The following LIPK variants were observed in gnomAD, a reference collection of about 807,000 sequenced individuals.
LIPK encodes lipase member K.
Under a neutral mutation model 48.6 loss-of-function variants are expected in LIPK, and 32 were observed. That is an observed-to-expected ratio of 0.66 (90% confidence interval 0.50 to 0.88). The LOEUF (loss-of-function observed/expected upper bound fraction) is 0.88. Ranked by LOEUF, LIPK falls within the 40% of genes least tolerant of loss-of-function variation. LIPK has a pLI of 0.00. For missense variants in LIPK, 507 were observed against 478.5 expected (o/e 1.06, Z -0.56); for synonymous variants, 164 against 157.4 (o/e 1.04, Z -0.32).
intron 1 of LIPK, among the ~76,000 whole-genome samples, chr10:88,710,805 T>A (rs1842014134): frequency 6.6e-6 from 1 of 152,232 alleles, no homozygotes; most frequent in Non-Finnish European, 1.5e-5. Flanking sequence ...AACCAATATT[T>A]TCTTTTATTT....
In LIPK at chr10:88,731,021, G is replaced by C; in HGVS notation, c.262G>C (p.Ala88Pro). 6.3e-7 allele frequency: 1 copy of C among 1,595,186 alleles called. No homozygotes were observed. The highest frequency in any genetic ancestry group is 8.5e-7 in the Non-Finnish European group (1 of 1,170,108). The change falls in exon 4 of 10, where the codon GCA becomes CCA. Residue 88 changes from alanine to proline, a missense_variant. By Grantham distance (27) the Ala-to-Pro change is conservative. Coordinates refer to ENST00000404190, the MANE Select transcript of LIPK (RefSeq NM_001080518.2). ...TGTGTATTTGCAGCATGGCTTAATT[G>C]CATCTGCCAGTAACTGGATTTGCAA... ...PAVYLQHGLIASASNWICNLP... is the reference protein window; with the variant it reads ...PAVYLQHGLIPSASNWICNLP...
intron 1 of LIPK, among the ~76,000 whole-genome samples, chr10:88,719,809 T>G (rs1653845): frequency 0.78 from 119,197 of 152,040 alleles, 47,692 homozygotes; most frequent in East Asian, 1. Flanking sequence ...TTCCTATTAT[T>G]GGGCAATGAG....
intron 6 of LIPK, among the ~76,000 whole-genome samples, chr10:88,734,520 G>A (rs1001747222): frequency 3.3e-5 from 5 of 152,258 alleles, no homozygotes; most frequent in Non-Finnish European, 5.9e-5. Context: ...TAAGTAATTG[G>A]GGAGCATGGA....
chr10:88,724,533 G>T lies in LIPK; in HGVS notation c.-11G>T. 1 of 1,565,598 alleles carries T rather than the reference G, an allele frequency of 6.4e-7. No individual in the cohort carries two copies. Among genetic ancestry groups the T allele is most frequent in the East Asian group, 2.3e-5 (1 of 44,384 alleles). On this transcript the variant is annotated splice_region_variant and 5_prime_UTR_variant, in exon 2 of 10. Coordinates refer to ENST00000404190, the MANE Select transcript of LIPK (RefSeq NM_001080518.2). ...AAATATATTAAATTTCCTTTCCTAG[G>T]CAGATCCCAAATGTGGCAGCTTTTA... is the stretch of plus-strand genomic sequence containing the variant.
In LIPK at chr10:88,732,526, C is replaced by T. The variant is rs1342322969; in HGVS notation, c.644C>T (p.Thr215Ile). 5 of 1,611,148 alleles carry T rather than the reference C, an allele frequency of 3.1e-6. No individual in the cohort carries two copies. The Admixed American group carries it at 6.7e-5, about 22-fold the overall frequency. Residue 215 changes from threonine to isoleucine, a missense_variant, in exon 6 of 10, where the codon ACA (threonine) becomes ATA (isoleucine). By Grantham distance (89) the Thr-to-Ile change is moderately conservative (BLOSUM62 -1). Coordinates refer to ENST00000404190, the MANE Select transcript of LIPK (RefSeq NM_001080518.2). ...KYTQSPMKKL[T>I]TLSRRVVKVL... The stretch of plus-strand genomic sequence containing the variant: ...ACCCAAAGTCCTATGAAAAAACTAA[C>T]AACCCTTTCCAGGCGAGTAGTTAAG...
chr10:88,734,451 G>A (rs1255433653), intron 6 of LIPK, among the ~76,000 whole-genome samples: 1 of 152,176 alleles, frequency 6.6e-6, no homozygotes, highest in African/African-American at 2.4e-5. Context: ...TGTTGGAAAT[G>A]TAGAGGCAGA....
chr10:88,733,195 C>G (rs1214179646), intron 6 of LIPK, among the ~76,000 whole-genome samples: 1 of 152,224 alleles, frequency 6.6e-6, no homozygotes, highest in Admixed American at 6.5e-5. Context: ...TGACACTTTA[C>G]AGGCTGTCAT....
intron 3 of LIPK, chr10:88,727,797 C>T: frequency 3.1e-6 from 1 of 324,446 alleles, no homozygotes; most frequent in Admixed American, 3.3e-5. Flanking sequence ...GCTGTGAACA[C>T]CCAGGAGAAG....
chr10:88,747,206 C>T (rs12570840), intron 9 of LIPK, among the ~76,000 whole-genome samples: 55,200 of 151,984 alleles, frequency 0.36, 10,272 homozygotes, highest in East Asian at 0.57. Context: ...TGGTGCCAAT[C>T]TTATTGAAAT....
Position 88,726,780 on chromosome 10 carries a change from C to G in LIPK, c.106-15C>G. ...ATTATAACATGAAGGTATATATTTC[C>G]TTTCCTCTTTTTAGAGCCAGATTAT... On this transcript the variant is annotated splice_polypyrimidine_tract_variant and intron_variant, in intron 2 of 9. Coordinates refer to ENST00000404190, the MANE Select transcript of LIPK (RefSeq NM_001080518.2). The G allele has an allele frequency of 8.0e-7, 1 of 1,244,598 alleles. No individual in the cohort carries two copies. The highest frequency in any genetic ancestry group is 1.8e-5 in the Admixed American group (1 of 54,332). 77.1% of individuals were successfully genotyped at this position (1,244,598 alleles called of 1,614,324 possible). A position where few individuals can be genotyped will look rare whatever the true frequency, so the allele number is the denominator to read the frequency against.
intron 9 of LIPK, 101 bp downstream of exon 9, chr10:88,743,422 A>G: frequency 1.3e-6 from 1 of 785,630 alleles, no homozygotes; most frequent in Non-Finnish European, 2.1e-6. Flanking sequence ...ACCACACTGG[A>G]TATTGCTTAT....
chr10:88,710,154 A>G (rs913651862), intron 1 of LIPK, among the ~76,000 whole-genome samples: 3 of 152,032 alleles, frequency 2.0e-5, no homozygotes, highest in African/African-American at 7.2e-5. Flanking sequence ...AGTTTATTTT[A>G]AAATTCTCTT....
At chr10:88,745,837 G>A (rs890037250) in intron 9 of LIPK, among the ~76,000 whole-genome samples, 2 of 152,176 alleles carry the variant, frequency 1.3e-5, no homozygotes, top group Non-Finnish European at 2.9e-5. Flanking sequence ...AGAGTTGCAA[G>A]TTGCATAAAG....
chr10:88,747,180 T>C (rs1169498579), intron 9 of LIPK, among the ~76,000 whole-genome samples: 2 of 152,116 alleles, frequency 1.3e-5, no homozygotes, highest in Non-Finnish European at 2.9e-5. Flanking sequence ...AATTTTACCA[T>C]ACATGTAAGA....
chr10:88,737,535 A>C lies in LIPK; in HGVS notation c.670-100A>C, dbSNP rs1427796649. ...TTCACTAAGGACCAACACTGAGCAG[A>C]TGTCACCTAATACTGTGCAGTCCTT... On this transcript the variant is annotated intron_variant, in intron 6 of 9. Coordinates refer to ENST00000404190, the MANE Select transcript of LIPK (RefSeq NM_001080518.2). 6 of 1,200,418 alleles carry C rather than the reference A, an allele frequency of 5.0e-6. No homozygotes were observed. The African/African-American group carries it at 9.1e-5, about 18-fold the overall frequency. 74.4% of individuals were successfully genotyped at this position (1,200,418 alleles called of 1,614,324 possible).
chr10:88,741,002 T>C (rs2134771647), intron 8 of LIPK, among the ~76,000 whole-genome samples: 1 of 152,320 alleles, frequency 6.6e-6, no homozygotes, highest in South Asian at 2.1e-4. Context: ...GGCTTCCTAC[T>C]GACGAGGAGA....
intron 8 of LIPK, 33 bp downstream of exon 8, chr10:88,740,100 A>G: frequency 6.4e-7 from 1 of 1,553,866 alleles, no homozygotes; most frequent in Non-Finnish European, 8.9e-7. Flanking sequence ...TGATGCACAC[A>G]TATCTCTGCA....
chr10:88,743,222 T>C, intron 8 of LIPK, 28 bp from the exon 9 acceptor site: 2 of 1,494,760 alleles, frequency 1.3e-6, no homozygotes, highest in Non-Finnish European at 1.8e-6. Flanking sequence ...TTTTCTTATA[T>C]TATTTTAACG....
chr10:88,709,148 A>G (rs1841983589), intron 1 of LIPK, among the ~76,000 whole-genome samples: 1 of 152,228 alleles, frequency 6.6e-6, no homozygotes, highest in Non-Finnish European at 1.5e-5. Flanking sequence ...GAATGAAACA[A>G]AATTCATCAT....
Sources: allele counts gnomAD v4.1 joint callset (sites outside exome capture counted in the v4.1 genomes callset), GRCh38; gene constraint gnomAD v4.1.1; transcripts MANE v1.5; gene names NCBI Gene and HGNC (gene_info 2026-07-23, HGNC 2026-07-21).